Variants in NLGN1 observed in about 807,000 individuals in gnomAD.
The protein encoded by NLGN1 is neuroligin-1.
Under a neutral mutation model 65.5 loss-of-function variants are expected in NLGN1, and 12 were observed. That is an observed-to-expected ratio of 0.18 (90% CI 0.12 to 0.30). NLGN1 has a LOEUF of 0.30. NLGN1 is among the 10% of genes least tolerant of loss of function. NLGN1 has a pLI of 1.00. For synonymous variants in NLGN1, 350 were observed against 359.5 expected (o/e 0.97, Z 0.30); for missense variants, 750 against 1,007.1 (o/e 0.74, Z 3.46).
chr3:174,251,515 G>T (rs1289279778), intron 4 of NLGN1, among the ~76,000 whole-genome samples: 1 of 152,184 alleles, frequency 6.6e-6, no homozygotes, highest in Non-Finnish European at 1.5e-5. Flanking sequence ...CCTGGGCAAA[G>T]CTGGACAATT....
chr3:173,930,190 G>A (rs1169365409), intron 4 of NLGN1, among the ~76,000 whole-genome samples: 2 of 152,122 alleles, frequency 1.3e-5, no homozygotes, highest in East Asian at 1.9e-4. Context: ...TACCTACTGG[G>A]AGATTTATAC....
At chr3:174,244,239 AAAG>A (rs1199049848) in intron 4 of NLGN1, among the ~76,000 whole-genome samples, 1 of 152,204 alleles carries the variant, frequency 6.6e-6, no homozygotes, top group East Asian at 1.9e-4. Context: ...CTAGATTCTG[AAAG>A]AAGAAAGTAT....
chr3:174,196,468 G>A (rs183571946), intron 4 of NLGN1, among the ~76,000 whole-genome samples: 13 of 152,016 alleles, frequency 8.6e-5, no homozygotes, highest in African/African-American at 1.7e-4. Flanking sequence ...AGTTTTATTC[G>A]TCTTGTATAC....
At chr3:174,130,786 G>C (rs1720026308) in intron 4 of NLGN1, among the ~76,000 whole-genome samples, 1 of 152,122 alleles carries the variant, frequency 6.6e-6, no homozygotes, top group African/African-American at 2.4e-5. Context: ...AGGGAAATGA[G>C]AGAAGAGGAT....
intron 2 of NLGN1, among the ~76,000 whole-genome samples, chr3:173,493,071 A>T (rs1306718995): frequency 6.6e-6 from 1 of 151,846 alleles, no homozygotes; most frequent in African/African-American, 2.4e-5. Context: ...AATTCACATT[A>T]TACATCATAC....
Position 173,446,233 on chromosome 3 carries a change from A to C in NLGN1, c.-321+11155A>C, listed in dbSNP as rs1294601093. Among the ~76,000 whole-genome samples the C allele has an allele frequency of 1.2e-4, 5 of 42,256 alleles. No individual in the cohort carries two copies. The East Asian group carries it at 0.015, about 127-fold the overall frequency. The allele number at this position is 42,256 out of a possible 152,430, so 27.7% of individuals were successfully genotyped here. A position where few individuals can be genotyped will look rare whatever the true frequency, so the allele number is the denominator to read the frequency against. ...CTCCCCCCTACCCCCACCCCACAAC[A>C]GTCCCGGTGTGTGATGTTCCCCTTC... On this transcript the variant is annotated intron_variant, in intron 2 of 6. Coordinates refer to ENST00000457714, the Ensembl canonical transcript of NLGN1.
chr3:173,567,452 A>T (rs1263971336), intron 2 of NLGN1, among the ~76,000 whole-genome samples: 1 of 152,094 alleles, frequency 6.6e-6, no homozygotes, highest in South Asian at 2.1e-4. Flanking sequence ...GAAATAAGGA[A>T]TATATACACT....
At chr3:174,110,492 G>T (rs143693323) in intron 4 of NLGN1, among the ~76,000 whole-genome samples, 4 of 151,914 alleles carry the variant, frequency 2.6e-5, no homozygotes, top group African/African-American at 4.8e-5. Flanking sequence ...TTTATTCCTT[G>T]CTATTTAACT....
intron 4 of NLGN1, among the ~76,000 whole-genome samples, chr3:174,030,856 G>A (rs770655580): frequency 1.3e-5 from 2 of 152,132 alleles, no homozygotes; most frequent in Non-Finnish European, 2.9e-5. Context: ...TACCAAATTA[G>A]ATATCTCTAG....
At position 173,644,703 on chromosome 3, in the gene NLGN1, T is replaced by A. The variant is rs75228491; in HGVS notation, c.493+39612T>A. On this transcript the variant is annotated intron_variant, in intron 3 of 6. Coordinates refer to ENST00000457714, the Ensembl canonical transcript of NLGN1. ...CCCCTGGCCCTGGCCAACATCCATGTCAAGACTGACTGAGAGTAGAGAGGG... is the reference window on the plus strand; with the variant it reads ...CCCCTGGCCCTGGCCAACATCCATGACAAGACTGACTGAGAGTAGAGAGGG... 1,373 of 153,980 alleles carry A rather than the reference T, an allele frequency of 8.9e-3. 72 individuals are homozygous for A. In the East Asian group the frequency reaches 0.14, roughly 16 times the overall value. The allele number at this position is 153,980 out of a possible 1,614,324, so 9.5% of individuals were successfully genotyped here.
chr3:173,767,695 G>A (rs1398608931), intron 3 of NLGN1, among the ~76,000 whole-genome samples: 2 of 151,946 alleles, frequency 1.3e-5, no homozygotes, highest in Admixed American at 6.6e-5. Context: ...GGAACATAGA[G>A]TAAACAATGA....
intron 4 of NLGN1, among the ~76,000 whole-genome samples, chr3:173,859,052 CA>C (rs1260570969): frequency 6.6e-6 from 1 of 152,096 alleles, no homozygotes; most frequent in East Asian, 1.9e-4. Context: ...TACCCTACTT[CA>C]ATATAGTTTA....
chr3:173,488,859 AT>A (rs936606184), intron 2 of NLGN1, among the ~76,000 whole-genome samples: 2 of 145,690 alleles, frequency 1.4e-5, no homozygotes, highest in Non-Finnish European at 3.0e-5. Context: ...CAGTTTCTCC[AT>A]TTTTCTCCTC....
At chr3:174,123,000 A>G (rs1183679365) in intron 4 of NLGN1, among the ~76,000 whole-genome samples, 3 of 152,136 alleles carry the variant, frequency 2.0e-5, no homozygotes, top group Non-Finnish European at 4.4e-5. Flanking sequence ...ATATGTGCAA[A>G]TATCAGCTGA....
At chr3:173,731,160 G>A (rs1223166471) in intron 3 of NLGN1, among the ~76,000 whole-genome samples, 1 of 147,910 alleles carries the variant, frequency 6.8e-6, no homozygotes, top group Non-Finnish European at 1.5e-5. Flanking sequence ...TATGCATAAT[G>A]TAAGTTGTGT....
chr3:173,539,823 A>G (rs1382851174), intron 2 of NLGN1, among the ~76,000 whole-genome samples: 1 of 133,580 alleles, frequency 7.5e-6, no homozygotes, highest in East Asian at 2.0e-4. Context: ...TACATATGTT[A>G]TATATGTATA....
intron 2 of NLGN1, among the ~76,000 whole-genome samples, chr3:173,530,352 A>G (rs9290472): frequency 0.17 from 26,009 of 152,086 alleles, 3,673 homozygotes; most frequent in African/African-American, 0.39. Flanking sequence ...GGTCAATGAG[A>G]GGAAGGAATA....
At chr3:173,592,176 C>A (rs560089037) in intron 2 of NLGN1, among the ~76,000 whole-genome samples, 5 of 152,166 alleles carry the variant, frequency 3.3e-5, no homozygotes, top group Admixed American at 6.5e-5. Flanking sequence ...CTAGATTTAA[C>A]AATTAATATT....
At chr3:173,945,129 T>C (rs1746911899) in intron 4 of NLGN1, among the ~76,000 whole-genome samples, 1 of 151,892 alleles carries the variant, frequency 6.6e-6, no homozygotes, top group African/African-American at 2.4e-5. Context: ...ATAGAAGGAC[T>C]TTAATCTATG....
Sources: allele counts gnomAD v4.1 joint callset (sites outside exome capture counted in the v4.1 genomes callset), GRCh38; gene constraint gnomAD v4.1.1; transcripts MANE v1.5; gene names NCBI Gene and HGNC (gene_info 2026-07-23, HGNC 2026-07-21).